The following DLGAP4 variants were observed in gnomAD, a reference collection of about 807,000 sequenced individuals.
The protein encoded by DLGAP4 is disks large-associated protein 4.
Under a neutral mutation model 86.9 loss-of-function variants are expected in DLGAP4, and 18 were observed. The ratio of observed to expected loss-of-function variants is 0.21; its 90% CI spans 0.14 to 0.31. DLGAP4 has a LOEUF of 0.31. Ranked by LOEUF, DLGAP4 falls within the 10% of genes least tolerant of loss-of-function variation. DLGAP4 has a pLI of 1.00. For synonymous variants in DLGAP4, 548 were observed against 574.3 expected, an observed-to-expected ratio of 0.95 and a Z score of 0.65; for missense variants, 1,085 against 1,362.6, an observed-to-expected ratio of 0.80 and a Z score of 3.21.
rs540028129 is a variant in DLGAP4 at position 36,369,104 on chromosome 20, G to A, written c.-73+1829G>A. 6.6e-5 allele frequency among the ~76,000 whole-genome samples: 10 copies of A among 152,308 alleles called. No homozygotes were observed. The East Asian group carries it at 1.4e-3, about 21-fold the overall frequency. ...GAAAGATGGAGGCCCGGGCGGCAGCGAGGGAGGTGTTACTGCTGCTATTTT... is the reference window on the plus strand; with the variant it reads ...GAAAGATGGAGGCCCGGGCGGCAGCAAGGGAGGTGTTACTGCTGCTATTTT... On this transcript the variant is annotated intron_variant, in intron 2 of 12. Coordinates refer to ENST00000339266, the MANE Select transcript of DLGAP4 (RefSeq NM_001365621.2).
chr20:36,435,990 C>T (rs555218067), intron 3 of DLGAP4, 119 bp from the exon 4 acceptor site: 2 of 1,397,882 alleles, frequency 1.4e-6, no homozygotes, highest in Admixed American at 3.0e-5. Context: ...GGCGGGAAAC[C>T]CAGCACGTGA....
intron 3 of DLGAP4, 60 bp from the exon 4 acceptor site, chr20:36,436,049 G>C: frequency 6.7e-7 from 1 of 1,484,074 alleles, no homozygotes; most frequent in Non-Finnish European, 8.9e-7. Flanking sequence ...GGAGATGGGG[G>C]TTCTCGCCAT....
chr20:36,375,845 G>A (rs1377920702), intron 2 of DLGAP4, among the ~76,000 whole-genome samples: 1 of 152,122 alleles, frequency 6.6e-6, no homozygotes, highest in Non-Finnish European at 1.5e-5. Flanking sequence ...CTGTTGGGCT[G>A]GGGAGTTTGA....
intron 1 of DLGAP4, among the ~76,000 whole-genome samples, chr20:36,314,900 GTGTGA>G (rs2065081846): frequency 7.5e-6 from 1 of 133,272 alleles, no homozygotes; most frequent in African/African-American, 2.8e-5. Context: ...GATGTGTGGT[GTGTGA>G]TGTGTGGTGT....
At chr20:36,499,486 T>A in intron 8 of DLGAP4, 102 bp from the exon 9 acceptor site, 1 of 1,404,496 alleles carries the variant, frequency 7.1e-7, no homozygotes, top group South Asian at 1.2e-5. Context: ...CACACGTCCG[T>A]TTGCGTCGTC....
At chr20:36,421,630 AGTTT>A (rs1490430458) in intron 2 of DLGAP4, among the ~76,000 whole-genome samples, 1 of 151,916 alleles carries the variant, frequency 6.6e-6, no homozygotes, top group East Asian at 1.9e-4. Context: ...TTGTTTTTAC[AGTTT>A]GTGCTGCTGA....
chr20:36,499,484 C>T (rs2036039360), intron 8 of DLGAP4, 104 bp from the exon 9 acceptor site: 7 of 1,387,530 alleles, frequency 5.0e-6, no homozygotes, highest in Admixed American at 2.0e-5. Flanking sequence ...TCCACACGTC[C>T]GTTTGCGTCG....
chr20:36,405,455 T>A (rs1270281113), intron 2 of DLGAP4, among the ~76,000 whole-genome samples: 2 of 152,176 alleles, frequency 1.3e-5, no homozygotes, highest in Admixed American at 1.3e-4. Flanking sequence ...CTAAGTATTA[T>A]GTACACATGC....
In DLGAP4 at chr20:36,527,452, A is replaced by G. The variant is rs1266721941; in HGVS notation, c.*421A>G. ...TGCCATGTCCCTCCTTTCCCCAGCT[A>G]TCCCCGCTCTGACCTTGATTTTCAT... On this transcript the variant is annotated 3_prime_UTR_variant, in exon 13 of 13. Transcript: ENST00000339266. 5.2e-5 allele frequency: 8 copies of G among 155,074 alleles called. No homozygotes were observed. The South Asian group carries it at 1.2e-3, about 23-fold the overall frequency. The allele number at this position is 155,074 out of a possible 1,614,324, so 9.6% of individuals were successfully genotyped here.
At chr20:36,404,077 A>T (rs1179757861) in intron 2 of DLGAP4, among the ~76,000 whole-genome samples, 1 of 152,094 alleles carries the variant, frequency 6.6e-6, no homozygotes, top group Non-Finnish European at 1.5e-5. Context: ...ATGGGAGGAG[A>T]CCGACCATTC....
Position 36,432,210 on chromosome 20 carries a change from G to T in DLGAP4, c.493G>T (p.Gly165Cys). The change falls in exon 3 of 13, where the codon GGT becomes TGT. Residue 165 changes from glycine to cysteine, a missense_variant. Gly to Cys is a radical substitution (Grantham distance 159, BLOSUM62 -3). Around this residue, in one of 2 missense-constraint regions of DLGAP4, gnomAD observed 1,082 missense variants for 1,344.1 expected, o/e 0.81. Transcript: ENST00000339266. This position sits in a 1 kb window ranked among gnomAD's most constrained non-coding sequence, Gnocchi z 6.5. Reference protein sequence around the residue: ...PSLEGTAGKVGGNGSKKGGME... With the variant: ...PSLEGTAGKVCGNGSKKGGME... ...ACTGGAGGGCACAGCGGGCAAGGTC[G>T]GTGGCAATGGCAGCAAGAAGGGTGG... 6.2e-7 allele frequency: 1 copy of T among 1,614,120 alleles called. No homozygotes were observed. The highest frequency in any genetic ancestry group is 8.5e-7 in the Non-Finnish European group (1 of 1,180,022).
intron 2 of DLGAP4, among the ~76,000 whole-genome samples, chr20:36,408,056 G>A (rs1030084574): frequency 6.6e-6 from 1 of 152,000 alleles, no homozygotes; most frequent in Non-Finnish European, 1.5e-5. Flanking sequence ...GCCCTTTGTC[G>A]GGGGCTTCCA....
chr20:36,486,628 G>T (rs993720425), intron 7 of DLGAP4, among the ~76,000 whole-genome samples: 1 of 151,834 alleles, frequency 6.6e-6, no homozygotes, highest in Non-Finnish European at 1.5e-5. Context: ...CCTTTTTTTT[G>T]AGATGAAATT....
chr20:36,452,473 C>T (rs574925018), intron 7 of DLGAP4, among the ~76,000 whole-genome samples: 1 of 151,880 alleles, frequency 6.6e-6, no homozygotes, highest in Non-Finnish European at 1.5e-5. Flanking sequence ...AGCCACGGCA[C>T]TTGGCCTAGC....
At chr20:36,315,614 A>G (rs1460850480) in intron 1 of DLGAP4, among the ~76,000 whole-genome samples, 3 of 152,018 alleles carry the variant, frequency 2.0e-5, no homozygotes, top group Non-Finnish European at 4.4e-5. Flanking sequence ...ACTGAGTCCA[A>G]CTCAGGACAT....
At chr20:36,309,004 C>T (rs1021539758) in intron 1 of DLGAP4, among the ~76,000 whole-genome samples, 7 of 152,010 alleles carry the variant, frequency 4.6e-5, no homozygotes, top group Admixed American at 1.3e-4. Flanking sequence ...TCCCCACCCC[C>T]TCCCTCTTTG....
intron 1 of DLGAP4, among the ~76,000 whole-genome samples, chr20:36,320,337 C>T (rs1555890410): frequency 6.6e-6 from 1 of 151,772 alleles, no homozygotes; most frequent in African/African-American, 2.4e-5. Flanking sequence ...CTCTGCTGTC[C>T]TGGTTTGTGC....
At chr20:36,347,834 G>A (rs6016033) in intron 1 of DLGAP4, among the ~76,000 whole-genome samples, 7,228 of 150,366 alleles carry the variant, frequency 0.048, 592 homozygotes, top group African/African-American at 0.17. Flanking sequence ...AATAATAACA[G>A]CAGTAGCTTA....
chr20:36,353,402 T>C (rs2030223670), intron 1 of DLGAP4, among the ~76,000 whole-genome samples: 1 of 152,228 alleles, frequency 6.6e-6, no homozygotes, highest in African/African-American at 2.4e-5. Context: ...GGGCTGGGCT[T>C]CAGTGCCCAG....
Sources: gnomAD v4.1 joint callset for allele counts (sites outside exome capture counted in the v4.1 genomes callset) on GRCh38, gnomAD v4.1.1 for gene constraint, gnomAD v4.1.1 regional missense constraint, Gnocchi (gnomAD v3.1) non-coding constraint, MANE v1.5 for transcripts, NCBI Gene and HGNC (gene_info 2026-07-23, HGNC 2026-07-21) for gene names.